MDGA2: variants seen among roughly 807,000 people sequenced by gnomAD.
The protein encoded by MDGA2 is MAM domain-containing glycosylphosphatidylinositol anchor protein 2.
Under a neutral mutation model 117.8 loss-of-function variants are expected in MDGA2, and 40 were observed. That is an observed-to-expected ratio of 0.34 (90% CI 0.26 to 0.44). The LOEUF (loss-of-function observed/expected upper bound fraction) is 0.44. Among genes scored for constraint, MDGA2 ranks in the 20% least tolerant of loss-of-function variants. The pLI is 1.00. For synonymous variants in MDGA2, 452 were observed against 439.0 expected (o/e 1.03, Z -0.37); for missense variants, 1,123 against 1,250.6 (o/e 0.90, Z 1.54).
At chr14:47,305,659 T>C (rs1195979067) in intron 1 of MDGA2, among the ~76,000 whole-genome samples, 1 of 152,204 alleles carries the variant, frequency 6.6e-6, no homozygotes, top group Non-Finnish European at 1.5e-5. Context: ...GTATATTTAT[T>C]GAGCAGCTGC....
At chr14:47,025,740 G>C (rs1315078202) in intron 8 of MDGA2, among the ~76,000 whole-genome samples, 2 of 151,574 alleles carry the variant, frequency 1.3e-5, no homozygotes, top group Non-Finnish European at 2.9e-5. Context: ...TTTTGGGCAA[G>C]AAAACTGTGT....
chr14:47,179,243 C>A (rs1202392397), intron 3 of MDGA2, among the ~76,000 whole-genome samples: 3 of 151,962 alleles, frequency 2.0e-5, no homozygotes, highest in Non-Finnish European at 4.4e-5. Flanking sequence ...ATCAACAGCA[C>A]TCATAATAAA....
intron 1 of MDGA2, among the ~76,000 whole-genome samples, chr14:47,405,053 C>G (rs187706184): frequency 4.6e-5 from 7 of 152,048 alleles, no homozygotes; most frequent in African/African-American, 1.7e-4. Flanking sequence ...AATAATTAAT[C>G]GGTGCTTTCT....
At chr14:47,379,216 G>A (rs372422767) in intron 1 of MDGA2, among the ~76,000 whole-genome samples, 31 of 152,264 alleles carry the variant, frequency 2.0e-4, no homozygotes, top group East Asian at 1.9e-3. Flanking sequence ...TGAAGGAAGC[G>A]CTAAACATGG....
intron 1 of MDGA2, among the ~76,000 whole-genome samples, chr14:47,504,665 G>C (rs1168269947): frequency 6.6e-6 from 1 of 151,846 alleles, no homozygotes; most frequent in African/African-American, 2.4e-5. Context: ...CATTTAGAAG[G>C]GCTATCATAA....
At chr14:47,329,754 C>T (rs564058456) in intron 1 of MDGA2, among the ~76,000 whole-genome samples, 5 of 151,908 alleles carry the variant, frequency 3.3e-5, no homozygotes, top group Admixed American at 1.3e-4. Context: ...CAATTTGACA[C>T]GAACAGATAG....
At chr14:46,853,818 G>C (rs1881157245) in intron 15 of MDGA2, among the ~76,000 whole-genome samples, 1 of 151,708 alleles carries the variant, frequency 6.6e-6, no homozygotes, top group Non-Finnish European at 1.5e-5. Flanking sequence ...GACAATATCA[G>C]TATATACATC....
At chr14:47,213,515 C>T (rs1181572156) in intron 3 of MDGA2, among the ~76,000 whole-genome samples, 1 of 151,958 alleles carries the variant, frequency 6.6e-6, no homozygotes, top group Admixed American at 6.6e-5. Flanking sequence ...TTAAAAAAAA[C>T]GTCATTTTGA....
chr14:47,519,113 G>A (rs962423844), intron 1 of MDGA2, among the ~76,000 whole-genome samples: 14 of 152,030 alleles, frequency 9.2e-5, no homozygotes, highest in African/African-American at 3.1e-4. Flanking sequence ...CTGAGGCAGG[G>A]AGAATCACTT....
chr14:47,254,187 T>C (rs189580316), intron 2 of MDGA2, among the ~76,000 whole-genome samples: 173 of 152,366 alleles, frequency 1.1e-3, no homozygotes, highest in Middle Eastern at 3.4e-3. Flanking sequence ...TTTCCCCCAC[T>C]GTCTTGGTGA....
Position 46,855,853 on chromosome 14 carries a change from A to C in MDGA2, c.2753-699T>G, listed in dbSNP as rs1881249942. ...ATTCTGTCGTCTTATATTATCATTT[A>C]GCATCTTATTTTTTCAGTTTGATTT... On this transcript the variant is annotated intron_variant, in intron 14 of 16. Coordinates refer to ENST00000399232, the MANE Select transcript of MDGA2 (RefSeq NM_001113498.3). The surrounding 1 kb of genome is among the most constrained non-coding windows in gnomAD (Gnocchi z 4.1). Among the ~76,000 whole-genome samples, 1 of 152,102 alleles carries C rather than the reference A, an allele frequency of 6.6e-6. No homozygotes were observed. Among genetic ancestry groups the C allele is most frequent in the Non-Finnish European group, 1.5e-5 (1 of 67,996 alleles).
chr14:47,333,559 C>A (rs1380142400), intron 1 of MDGA2, among the ~76,000 whole-genome samples: 3 of 151,668 alleles, frequency 2.0e-5, no homozygotes, highest in Non-Finnish European at 4.4e-5. Context: ...TTATTTGTTT[C>A]ATAATATTAT....
At chr14:47,037,048 C>A (rs1467883009) in intron 7 of MDGA2, among the ~76,000 whole-genome samples, 1 of 152,118 alleles carries the variant, frequency 6.6e-6, no homozygotes, top group Non-Finnish European at 1.5e-5. Context: ...GTAATTTGTT[C>A]TGGTATACAT....
intron 1 of MDGA2, among the ~76,000 whole-genome samples, chr14:47,648,112 G>C (rs1489709369): frequency 2.0e-5 from 3 of 152,044 alleles, no homozygotes; most frequent in Non-Finnish European, 4.4e-5. Context: ...TGTTTCCTGT[G>C]AATCTTCCAA....
At chr14:47,200,103 T>C (rs1014040144) in intron 3 of MDGA2, among the ~76,000 whole-genome samples, 2 of 151,976 alleles carry the variant, frequency 1.3e-5, no homozygotes, top group African/African-American at 4.8e-5. Flanking sequence ...GCTTTATATA[T>C]ATTTATATAT....
At chr14:46,969,726 T>C (rs1437289478) in intron 8 of MDGA2, among the ~76,000 whole-genome samples, 1 of 151,566 alleles carries the variant, frequency 6.6e-6, no homozygotes, top group Non-Finnish European at 1.5e-5. Context: ...TGGTAGGGAA[T>C]TGAACAAGGA....
At chr14:47,344,957 A>G (rs2138334310) in intron 1 of MDGA2, among the ~76,000 whole-genome samples, 1 of 152,200 alleles carries the variant, frequency 6.6e-6, no homozygotes, top group South Asian at 2.1e-4. Context: ...AAAAAAACTT[A>G]CAGGAGAGAC....
intron 1 of MDGA2, among the ~76,000 whole-genome samples, chr14:47,311,066 C>CT: frequency 6.6e-6 from 1 of 152,164 alleles, no homozygotes; most frequent in East Asian, 1.9e-4. Flanking sequence ...ATCACAGCAC[C>CT]TTAAGAGATC....
chr14:47,427,380 G>T (rs565420532), intron 1 of MDGA2, among the ~76,000 whole-genome samples: 1 of 152,200 alleles, frequency 6.6e-6, no homozygotes, highest in South Asian at 2.1e-4. Flanking sequence ...GGGAAGGATG[G>T]CTATGATCTT....
Sources: allele counts gnomAD v4.1 joint callset (sites outside exome capture counted in the v4.1 genomes callset), GRCh38; gene constraint gnomAD v4.1.1; non-coding constraint Gnocchi (gnomAD v3.1); transcripts MANE v1.5; gene names NCBI Gene and HGNC (gene_info 2026-07-23, HGNC 2026-07-21).